HPCAL1: variants seen among roughly 807,000 people sequenced by gnomAD.
HPCAL1 encodes the protein hippocalcin-like protein 1.
In HPCAL1, 8 loss-of-function variants were observed where a neutral mutation model predicts 17.1. That is an observed-to-expected ratio of 0.47 (90% CI 0.27 to 0.84). HPCAL1 has a LOEUF of 0.84. Among genes scored for constraint, HPCAL1 ranks in the 40% least tolerant of loss-of-function variants. The pLI, the probability that HPCAL1 is intolerant of heterozygous loss-of-function variation, is 0.13. For synonymous variants in HPCAL1, 112 were observed against 111.4 expected (o/e 1.01, Z -0.03); for missense variants, 165 against 271.1 (o/e 0.61, Z 2.75).
At chr2:10,308,585 C>T (rs1662768216) in intron 1 of HPCAL1, among the ~76,000 whole-genome samples, 5 of 152,182 alleles carry the variant, frequency 3.3e-5, no homozygotes. Context: ...CCCCCAGCAC[C>T]GACGAAGTGA....
At chr2:10,357,536 C>T (rs1666233003) in intron 1 of HPCAL1, among the ~76,000 whole-genome samples, 1 of 152,162 alleles carries the variant, frequency 6.6e-6, no homozygotes, top group South Asian at 2.1e-4. Flanking sequence ...TTTAGATCGT[C>T]GCCTGTGACA....
At chr2:10,409,429 G>A (rs1670188383) in intron 2 of HPCAL1, among the ~76,000 whole-genome samples, 1 of 152,188 alleles carries the variant, frequency 6.6e-6, no homozygotes, top group African/African-American at 2.4e-5. Flanking sequence ...GCCCCTCCTT[G>A]GAGAACTACC....
intron 1 of HPCAL1, among the ~76,000 whole-genome samples, chr2:10,370,210 C>G (rs1220893640): frequency 6.6e-6 from 1 of 152,226 alleles, no homozygotes; most frequent in Non-Finnish European, 1.5e-5. Context: ...TTCCCCAAAT[C>G]GCCTCTGCTT....
chr2:10,386,235 C>T (rs904227440), intron 1 of HPCAL1, among the ~76,000 whole-genome samples: 3 of 152,138 alleles, frequency 2.0e-5, no homozygotes, highest in African/African-American at 7.2e-5. Context: ...GCTCAAGAGC[C>T]CACCATGGCT....
At chr2:10,348,348 C>T (rs905915341) in intron 1 of HPCAL1, among the ~76,000 whole-genome samples, 2 of 152,168 alleles carry the variant, frequency 1.3e-5, no homozygotes, top group Non-Finnish European at 2.9e-5. Flanking sequence ...ACTCGGGAGG[C>T]TGAGGCAGGA....
intron 1 of HPCAL1, among the ~76,000 whole-genome samples, chr2:10,393,420 C>T (rs1255461356): frequency 6.6e-6 from 1 of 152,244 alleles, no homozygotes; most frequent in Non-Finnish European, 1.5e-5. Context: ...TGGGCCTCCT[C>T]TGCGGAGTCC....
Position 10,322,861 on chromosome 2 carries a change from C to CCGCTTGT in HPCAL1, c.-111+19686_-111+19692dup, listed in dbSNP as rs969112074. ...ATCTAAGCCACTCTTATCTAAGCCACCGCTTGTCACGTTTTATGTTGTTTG... is the reference window on the plus strand; with the variant it reads ...ATCTAAGCCACTCTTATCTAAGCCACCGCTTGTCGCTTGTCACGTTTTATGTTGTTTG... On this transcript the variant is annotated intron_variant, in intron 1 of 4. Transcript: ENST00000307845. 3.4e-4 allele frequency among the ~76,000 whole-genome samples: 51 copies of CCGCTTGT among 152,232 alleles called. 1 individual carries two copies. Among genetic ancestry groups the CCGCTTGT allele is most frequent in the African/African-American group, 1.2e-3 (51 of 41,464 alleles).
intron 2 of HPCAL1, among the ~76,000 whole-genome samples, chr2:10,409,049 AAGAAAG>A (rs1321883116): frequency 1.3e-5 from 2 of 152,272 alleles, no homozygotes; most frequent in African/African-American, 4.8e-5. Context: ...ACATGTAATC[AAGAAAG>A]AGAAAGTATT....
chr2:10,375,290 A>C (rs1020236947), intron 1 of HPCAL1, among the ~76,000 whole-genome samples: 1 of 152,106 alleles, frequency 6.6e-6, no homozygotes, highest in African/African-American at 2.4e-5. Context: ...TGTTTTTTCC[A>C]CTTAGCAACA....
At position 10,376,954 on chromosome 2, in the gene HPCAL1, C is replaced by A. The variant is rs550037482; in HGVS notation, c.-110-19881C>A. 1.1e-3 allele frequency among the ~76,000 whole-genome samples: 158 copies of A among 149,190 alleles called. 12 individuals are homozygous for A. Among genetic ancestry groups the A allele is most frequent in the African/African-American group, 3.9e-3 (157 of 40,036 alleles). ...ATACCGTATTGTATTGTGTGTAGTA[C>A]AATACATACCGTATTGTATTGTGTG... On this transcript the variant is annotated intron_variant, in intron 1 of 4. Transcript: ENST00000307845.
At position 10,359,774 on chromosome 2, in the gene HPCAL1, C is replaced by A. The variant is rs535685260; in HGVS notation, c.-110-37061C>A. ...AGGGGCCTTACCCAGATCCCCGTGT[C>A]CCCCACAGCGGTGGCGGTTTTATTG... On this transcript the variant is annotated intron_variant, in intron 1 of 4. Transcript: ENST00000307845. The surrounding 1 kb of genome is among the most constrained non-coding windows in gnomAD (Gnocchi z 4.1). Among the ~76,000 whole-genome samples, 2 of 152,192 alleles carry A rather than the reference C, an allele frequency of 1.3e-5. No homozygotes were observed. Among genetic ancestry groups the A allele is most frequent in the African/African-American group, 4.8e-5 (2 of 41,436 alleles).
At chr2:10,315,805 G>A (rs1338261976) in intron 1 of HPCAL1, among the ~76,000 whole-genome samples, 1 of 152,100 alleles carries the variant, frequency 6.6e-6, no homozygotes, top group Non-Finnish European at 1.5e-5. Flanking sequence ...TCAGGAGGTC[G>A]AGACCAGCCT....
At chr2:10,396,226 T>TGTGCTGGGCCCAGGAGGC (rs2125574098) in intron 1 of HPCAL1, among the ~76,000 whole-genome samples, 2 of 152,326 alleles carry the variant, frequency 1.3e-5, no homozygotes, top group African/African-American at 4.8e-5. Flanking sequence ...GTGTGTGCCC[T>TGTGCTGGGCCCAGGAGGC]GTGCTGGGCC....
At chr2:10,420,948 A>G (rs1252894981) in intron 3 of HPCAL1, among the ~76,000 whole-genome samples, 1 of 152,050 alleles carries the variant, frequency 6.6e-6, no homozygotes, top group South Asian at 2.1e-4. Flanking sequence ...TTTAGTAGAG[A>G]CGAGGTTTCA....
intron 1 of HPCAL1, among the ~76,000 whole-genome samples, chr2:10,375,499 C>A (rs1057235716): frequency 6.6e-6 from 1 of 152,208 alleles, no homozygotes; most frequent in South Asian, 2.1e-4. Flanking sequence ...ATTTCGTGTC[C>A]TTTAGGAAGC....
intron 1 of HPCAL1, among the ~76,000 whole-genome samples, chr2:10,393,528 C>T (rs1465009736): frequency 6.6e-6 from 1 of 152,258 alleles, no homozygotes; most frequent in Non-Finnish European, 1.5e-5. Context: ...ACTTCCTCTC[C>T]ACCCTCCCAC....
intron 1 of HPCAL1, among the ~76,000 whole-genome samples, chr2:10,320,396 G>A (rs183404628): frequency 1.3e-5 from 2 of 152,104 alleles, no homozygotes; most frequent in African/African-American, 2.4e-5. Context: ...GAGTTCTCAC[G>A]AGATCTGGTT....
Position 10,426,942 on chromosome 2 carries a change from C to A in HPCAL1, c.*121C>A, listed in dbSNP as rs918544705. The A allele has an allele frequency of 2.2e-6, 2 of 890,828 alleles. No homozygotes were observed. The highest frequency in any genetic ancestry group is 3.6e-6 in the Non-Finnish European group (2 of 560,548). The allele number at this position is 890,828 out of a possible 1,614,324, so 55.2% of individuals were successfully genotyped here. On this transcript the variant is annotated 3_prime_UTR_variant, in exon 5 of 5. Transcript: ENST00000307845. ...TCCCGGGCCCCGGGCCTGGGGCATG[C>A]GTTGCACCTGCCCAGCCCGGTGGCT...
intron 1 of HPCAL1, among the ~76,000 whole-genome samples, chr2:10,375,928 A>T (rs903923216): frequency 1.3e-5 from 2 of 152,248 alleles, no homozygotes; most frequent in Non-Finnish European, 2.9e-5. Context: ...CTCCAAGTCC[A>T]TGTTGAAATG....
Sources: gnomAD v4.1 joint callset for allele counts (sites outside exome capture counted in the v4.1 genomes callset) on GRCh38, gnomAD v4.1.1 for gene constraint, Gnocchi (gnomAD v3.1) non-coding constraint, MANE v1.5 for transcripts, NCBI Gene and HGNC (gene_info 2026-07-23, HGNC 2026-07-21) for gene names.